Variants in AGFG1 observed in about 807,000 individuals in gnomAD.
AGFG1 encodes arf-GAP domain and FG repeat-containing protein 1.
A neutral mutation model predicts 60.6 loss-of-function variants in AGFG1; 10 were observed. That is an observed-to-expected ratio of 0.16 (90% CI 0.10 to 0.28). AGFG1 has a LOEUF of 0.28. AGFG1 is among the 10% of genes least tolerant of loss of function. AGFG1 has a pLI of 1.00. For missense variants in AGFG1, 537 were observed against 676.5 expected (o/e 0.79, Z 2.29); for synonymous variants, 247 against 242.9 (o/e 1.02, Z -0.16).
rs920861687 is a variant in AGFG1 at position 227,555,106 on chromosome 2, AT to A, written c.*612del. ...TGCTACAGTTTGCAGGTGAAAAAAA[AT>A]AAATATTATAAAATATGCTATTGTT... On this transcript the variant is annotated 3_prime_UTR_variant, in exon 13 of 13. Coordinates refer to ENST00000310078, the MANE Select transcript of AGFG1 (RefSeq NM_004504.5). 1.3e-5 allele frequency: 2 copies of A among 152,626 alleles called. No individual in the cohort carries two copies. Among genetic ancestry groups the A allele is most frequent in the African/African-American group, 4.8e-5 (2 of 41,456 alleles). The allele number at this position is 152,626 out of a possible 1,614,324, so 9.5% of individuals were successfully genotyped here.
chr2:227,550,745 A>T (rs910632931), intron 10 of AGFG1, among the ~76,000 whole-genome samples: 4 of 152,192 alleles, frequency 2.6e-5, no homozygotes, highest in Admixed American at 2.6e-4. Flanking sequence ...CTTGTTTTTC[A>T]GCTTTTTAAA....
chr2:227,532,118 C>T, intron 6 of AGFG1: 1 of 1,522,070 alleles, frequency 6.6e-7, no homozygotes, highest in Non-Finnish European at 8.8e-7. Context: ...TCATCATTTA[C>T]ATAATTTCTG....
intron 10 of AGFG1, 97 bp downstream of exon 10, chr2:227,537,090 A>G (rs907589812): frequency 2.0e-6 from 2 of 1,001,956 alleles, no homozygotes; most frequent in Non-Finnish European, 3.1e-6. Flanking sequence ...CCTCTTTCTT[A>G]GTGAAGTGAA....
intron 10 of AGFG1, among the ~76,000 whole-genome samples, chr2:227,547,813 A>G (rs543555913): frequency 2.0e-5 from 3 of 152,330 alleles, no homozygotes; most frequent in East Asian, 3.9e-4. Context: ...TGGAGTTACC[A>G]TATAACCTAA....
chr2:227,494,944 A>G (rs966398068), intron 2 of AGFG1, among the ~76,000 whole-genome samples: 1 of 152,198 alleles, frequency 6.6e-6, no homozygotes, highest in African/African-American at 2.4e-5. Context: ...GTAAGCAAAT[A>G]ATGTTATTAC....
intron 5 of AGFG1, among the ~76,000 whole-genome samples, chr2:227,528,683 A>C (rs1208596719): frequency 6.6e-6 from 1 of 152,208 alleles, no homozygotes; most frequent in Non-Finnish European, 1.5e-5. Context: ...TTCTCTCTTT[A>C]AATGCAGTTT....
intron 1 of AGFG1, among the ~76,000 whole-genome samples, chr2:227,480,713 T>G (rs1386398063): frequency 6.6e-6 from 1 of 152,176 alleles, no homozygotes; most frequent in Admixed American, 6.5e-5. Context: ...ATTCTGGAAA[T>G]TCCCTTCACT....
At chr2:227,472,863 G>C (rs1690143620) in intron 1 of AGFG1, among the ~76,000 whole-genome samples, 1 of 151,764 alleles carries the variant, frequency 6.6e-6, no homozygotes, top group African/African-American at 2.4e-5. Flanking sequence ...GCGGGGTTGG[G>C]GTCAGGGAGG....
At chr2:227,488,464 T>C (rs1380140915) in intron 1 of AGFG1, among the ~76,000 whole-genome samples, 1 of 152,240 alleles carries the variant, frequency 6.6e-6, no homozygotes, top group Admixed American at 6.5e-5. Context: ...GTGTTTGATA[T>C]GTCCTCATCA....
intron 2 of AGFG1, among the ~76,000 whole-genome samples, chr2:227,495,469 C>A (rs1466812345): frequency 2.6e-5 from 4 of 151,306 alleles, no homozygotes. Flanking sequence ...TTGCTTGAGC[C>A]CTGGAGTTCA....
intron 2 of AGFG1, among the ~76,000 whole-genome samples, chr2:227,512,888 A>G (rs566251478): frequency 6.6e-6 from 1 of 152,364 alleles, no homozygotes; most frequent in African/African-American, 2.4e-5. Flanking sequence ...AAAAGAAAGT[A>G]TGAAATCTAG....
intron 10 of AGFG1, among the ~76,000 whole-genome samples, chr2:227,539,457 A>AAAC (rs139764867): frequency 2.3e-5 from 3 of 129,944 alleles, no homozygotes; most frequent in Admixed American, 8.0e-5. Context: ...AAAACAAAAA[A>AAAC]CACATGTTAA....
intron 5 of AGFG1, among the ~76,000 whole-genome samples, chr2:227,526,279 C>T (rs142955890): frequency 9.5e-4 from 145 of 152,156 alleles, no homozygotes; most frequent in Admixed American, 4.1e-3. Flanking sequence ...CTGCGACCTC[C>T]GCCACCTGGG....
In AGFG1 at chr2:227,558,750, C is replaced by T. The variant is rs1693051031; in HGVS notation, c.*4255C>T. On this transcript the variant is annotated 3_prime_UTR_variant, in exon 13 of 13. Transcript: ENST00000310078. Reference sequence around the variant, plus strand: ...CATCTTTCATGAAAGAAAAAAGGCCCTGTTTTGTAGCATTTACTAATATTT... The same window carrying T: ...CATCTTTCATGAAAGAAAAAAGGCCTTGTTTTGTAGCATTTACTAATATTT... The T allele has an allele frequency of 6.6e-6, 1 of 152,066 alleles. No homozygotes were observed. Among genetic ancestry groups the T allele is most frequent in the Admixed American group, 6.5e-5 (1 of 15,276 alleles). The allele number at this position is 152,066 out of a possible 1,614,324, so 9.4% of individuals were successfully genotyped here.
chr2:227,528,065 C>A (rs1692049700), intron 5 of AGFG1, among the ~76,000 whole-genome samples: 1 of 152,096 alleles, frequency 6.6e-6, no homozygotes, highest in Non-Finnish European at 1.5e-5. Context: ...TACATAATCA[C>A]ACTCCAAAAT....
intron 1 of AGFG1, among the ~76,000 whole-genome samples, chr2:227,476,655 A>AT (rs979444659): frequency 7.9e-5 from 12 of 151,930 alleles, no homozygotes; most frequent in African/African-American, 2.9e-4. Flanking sequence ...AAGAATTTTA[A>AT]TTTTTTTTAG....
At chr2:227,547,270 G>A (rs1692679267) in intron 10 of AGFG1, among the ~76,000 whole-genome samples, 1 of 152,200 alleles carries the variant, frequency 6.6e-6, no homozygotes, top group Admixed American at 6.5e-5. Flanking sequence ...AAAACCCTAA[G>A]TAGAAAGTTA....
intron 6 of AGFG1, 23 bp downstream of exon 6, chr2:227,531,233 C>G (rs762972103): frequency 6.3e-7 from 1 of 1,599,314 alleles, no homozygotes; most frequent in Non-Finnish European, 8.5e-7. Context: ...CAGCATTGTG[C>G]TTAAATGTTT....
chr2:227,498,507 C>T (rs1385594835), intron 2 of AGFG1, among the ~76,000 whole-genome samples: 6 of 152,150 alleles, frequency 3.9e-5, no homozygotes, highest in Non-Finnish European at 5.9e-5. Context: ...TATTTATGCA[C>T]GTCTGGCCTT....
Sources: allele counts gnomAD v4.1 joint callset (sites outside exome capture counted in the v4.1 genomes callset), GRCh38; gene constraint gnomAD v4.1.1; transcripts MANE v1.5; gene names NCBI Gene and HGNC (gene_info 2026-07-23, HGNC 2026-07-21).